AFAP1L2: variants seen among roughly 807,000 people sequenced by gnomAD.
AFAP1L2 encodes actin filament-associated protein 1-like 2.
A neutral mutation model predicts 99.3 loss-of-function variants in AFAP1L2; 46 were observed. The ratio of observed to expected loss-of-function variants is 0.46; its 90% CI spans 0.37 to 0.59. The LOEUF is 0.59. Ranked by LOEUF, AFAP1L2 falls within the 20% of genes least tolerant of loss-of-function variation. The pLI, the probability that AFAP1L2 is intolerant of heterozygous loss-of-function variation, is 0.00. For synonymous variants in AFAP1L2, 397 were observed against 419.1 expected, an observed-to-expected ratio of 0.95 and a Z score of 0.64; for missense variants, 959 against 1,034.9, an observed-to-expected ratio of 0.93 and a Z score of 1.01.
intron 1 of AFAP1L2, among the ~76,000 whole-genome samples, chr10:114,398,580 G>T (rs1253028524): frequency 6.6e-6 from 1 of 152,236 alleles, no homozygotes; most frequent in Admixed American, 6.5e-5. Flanking sequence ...CCACCAAGTG[G>T]CCTGCAAGGT....
chr10:114,289,457 A>AC, the AFAP1L2 span: 14 of 1,614,176 alleles, frequency 8.7e-6, no homozygotes, highest in South Asian at 1.4e-4. Flanking sequence ...CTGCGGTACC[A>AC]CCAGGACGTG....
At chr10:114,318,758 AG>A (rs1286187081) in intron 5 of AFAP1L2, among the ~76,000 whole-genome samples, 1 of 150,710 alleles carries the variant, frequency 6.6e-6, no homozygotes, top group African/African-American at 2.4e-5. Flanking sequence ...GAAAAAAAAA[AG>A]AACAACAAAT....
At chr10:114,285,000 C>A in the AFAP1L2 span, 1 of 1,516,528 alleles carries the variant, frequency 6.6e-7, no homozygotes, top group East Asian at 2.5e-5. Context: ...GCAAGACTGA[C>A]CACTGGGGAG....
intron 7 of AFAP1L2, among the ~76,000 whole-genome samples, chr10:114,312,233 G>A (rs1458118075): frequency 9.0e-6 from 1 of 110,546 alleles, no homozygotes; most frequent in Non-Finnish European, 1.8e-5. Context: ...GGCAAGAGCA[G>A]AGTGTGTGTG....
intron 7 of AFAP1L2, among the ~76,000 whole-genome samples, chr10:114,312,605 A>G (rs1405020642): frequency 1.3e-5 from 2 of 152,194 alleles, no homozygotes; most frequent in Non-Finnish European, 2.9e-5. Flanking sequence ...TGCACATTAA[A>G]GGATCCAGCC....
intron 5 of AFAP1L2, among the ~76,000 whole-genome samples, chr10:114,319,930 C>T (rs1030356081): frequency 1.2e-4 from 18 of 152,166 alleles, no homozygotes; most frequent in Non-Finnish European, 5.9e-5. Context: ...GCGTGACTTC[C>T]GGCTGGTGCT....
chr10:114,368,927 T>C (rs2053686645), intron 1 of AFAP1L2, among the ~76,000 whole-genome samples: 1 of 152,134 alleles, frequency 6.6e-6, no homozygotes, highest in African/African-American at 2.4e-5. Context: ...GTATACAATT[T>C]TTATTTGTCA....
intron 1 of AFAP1L2, among the ~76,000 whole-genome samples, chr10:114,402,779 G>C (rs941060551): frequency 6.6e-6 from 1 of 152,316 alleles, no homozygotes; most frequent in Non-Finnish European, 1.5e-5. Context: ...AATGTGATTT[G>C]CCCTGATTTA....
chr10:114,290,017 C>A, downstream of AFAP1L2: 1 of 420,640 alleles, frequency 2.4e-6, no homozygotes, highest in Non-Finnish European at 4.2e-6. Context: ...AAAAGTCTGC[C>A]ATGTGTATGG....
chr10:114,383,978 C>T (rs888402565), intron 1 of AFAP1L2, among the ~76,000 whole-genome samples: 10 of 152,306 alleles, frequency 6.6e-5, no homozygotes, highest in African/African-American at 9.6e-5. Flanking sequence ...AAGCAGGCCC[C>T]GCCTTCCGGT....
rs200083826 is a variant in AFAP1L2 at position 114,302,380 on chromosome 10, A to G, written c.1389T>C (p.Asp463=). 60 of 1,614,182 alleles carry G rather than the reference A, an allele frequency of 3.7e-5. No individual in the cohort carries two copies. The East Asian group carries it at 1.1e-3, about 31-fold the overall frequency. The change falls in exon 12 of 19, where the codon GAT becomes GAC. Residue 463 remains aspartate, a synonymous_variant. Coordinates refer to ENST00000304129, the MANE Select transcript of AFAP1L2 (RefSeq NM_001001936.3). ...CCGCACTCACAATACAGGAGACCCT[A>G]TCGGCATCCACATAGTCGTAGGTGA... The part of the protein sequence containing the change: ...EEFTYDYVDA[D]RVSCIVSAAK...
At chr10:114,313,182 C>A (rs1486506015) in intron 7 of AFAP1L2, among the ~76,000 whole-genome samples, 1 of 152,062 alleles carries the variant, frequency 6.6e-6, no homozygotes, top group Non-Finnish European at 1.5e-5. Context: ...CTCTCACTGG[C>A]CTCACCAGGG....
rs377139417 is a variant in AFAP1L2, at chr10:114,297,367, G to T, written c.2160C>A (p.Asp720Glu). 1 of 1,613,626 alleles carries T rather than the reference G, an allele frequency of 6.2e-7. No homozygotes were observed. Among genetic ancestry groups the T allele is most frequent in the Non-Finnish European group, 8.5e-7 (1 of 1,180,018 alleles). Reference protein sequence around the residue: ...ASLEQKLKEIDEECRGEESRR... With the variant: ...ASLEQKLKEIEEECRGEESRR... The stretch of plus-strand genomic sequence containing the variant: ...TGCTCTCCTCGCCCCGGCACTCCTC[G>T]TCAATTTCCTTCAGCTTCTGCTCCA... The change falls in exon 17 of 19, where the codon GAC (aspartate) becomes GAA (glutamate). Residue 720 changes from aspartate to glutamate, a missense_variant. By Grantham distance (45) the Asp-to-Glu change is conservative. Coordinates refer to ENST00000304129, the MANE Select transcript of AFAP1L2 (RefSeq NM_001001936.3).
At chr10:114,321,209 G>A (rs1402197056) in intron 5 of AFAP1L2, among the ~76,000 whole-genome samples, 4 of 152,054 alleles carry the variant, frequency 2.6e-5, no homozygotes, top group African/African-American at 9.7e-5. Flanking sequence ...ACTGTCATTC[G>A]AGTGGTGTAC....
rs185736692 is a variant in AFAP1L2, at chr10:114,308,469, C to T, written c.931G>A (p.Val311Met). The T allele has an allele frequency of 1.7e-4, 267 of 1,614,180 alleles. 1 individual carries two copies. Among genetic ancestry groups the T allele is most frequent in the South Asian group, 9.7e-4 (88 of 91,080 alleles). The change falls in exon 9 of 19, where the codon GTG becomes ATG. Residue 311 changes from valine (V) to methionine (M), a missense_variant. Coordinates refer to ENST00000304129, the MANE Select transcript of AFAP1L2 (RefSeq NM_001001936.3). ...YLSASEYGSS[V>M]DGHPEVPETK... is the part of the protein sequence containing the mutation. ...TCTGGGACCTCAGGGTGGCCATCCACGGAGCTCCCATACTCTGAAGCCGAC... is the reference window on the plus strand; with the variant it reads ...TCTGGGACCTCAGGGTGGCCATCCATGGAGCTCCCATACTCTGAAGCCGAC...
intron 1 of AFAP1L2, among the ~76,000 whole-genome samples, chr10:114,384,779 C>T (rs541517673): frequency 3.0e-4 from 45 of 152,338 alleles, no homozygotes; most frequent in African/African-American, 1.0e-3. Context: ...GACCACGCCT[C>T]ACCTCCTGTG....
At chr10:114,385,270 G>A (rs569753419) in intron 1 of AFAP1L2, among the ~76,000 whole-genome samples, 2 of 152,268 alleles carry the variant, frequency 1.3e-5, no homozygotes, top group African/African-American at 4.8e-5. Flanking sequence ...ATTTCATCAG[G>A]CCAGGGATCT....
chr10:114,360,567 G>A (rs57186834), intron 1 of AFAP1L2, among the ~76,000 whole-genome samples: 12,103 of 124,246 alleles, frequency 0.097, 1,382 homozygotes, highest in African/African-American at 0.29. Flanking sequence ...ATAGATAGAC[G>A]GACAGACAGA....
At chr10:114,318,902 C>G (rs1214586139) in intron 5 of AFAP1L2, among the ~76,000 whole-genome samples, 1 of 152,018 alleles carries the variant, frequency 6.6e-6, no homozygotes, top group African/African-American at 2.4e-5. Flanking sequence ...GCCTGTAATT[C>G]CAGTACTTTG....
Sources: gnomAD v4.1 joint callset for allele counts (sites outside exome capture counted in the v4.1 genomes callset) on GRCh38, gnomAD v4.1.1 for gene constraint, MANE v1.5 for transcripts, NCBI Gene and HGNC (gene_info 2026-07-23, HGNC 2026-07-21) for gene names.